The following KIRREL1 variants were observed in gnomAD, a reference collection of about 807,000 sequenced individuals.
The protein encoded by KIRREL1 is kirre like nephrin family adhesion molecule 1.
KIRREL1 carries 25 observed loss-of-function variants against 83.3 expected under a neutral mutation model. That is an observed-to-expected ratio of 0.30 (90% CI 0.22 to 0.42). KIRREL1 has a LOEUF of 0.42. KIRREL1 is among the 10% of genes least tolerant of loss of function. KIRREL1 has a pLI of 1.00. For synonymous variants in KIRREL1, 388 were observed against 410.4 expected (o/e 0.95, Z 0.66); for missense variants, 812 against 1,032.3 (o/e 0.79, Z 2.92).
At chr1:158,070,345 C>G (rs544929716) in intron 1 of KIRREL1, among the ~76,000 whole-genome samples, 1 of 152,318 alleles carries the variant, frequency 6.6e-6, no homozygotes, top group East Asian at 1.9e-4. Flanking sequence ...GCACCCTCAG[C>G]CTTATTTCCC....
At chr1:158,004,601 G>A (rs1659463409) in intron 1 of KIRREL1, among the ~76,000 whole-genome samples, 1 of 152,156 alleles carries the variant, frequency 6.6e-6, no homozygotes, top group African/African-American at 2.4e-5. Flanking sequence ...TGTAAGTCCT[G>A]GAAAAGCACT....
chr1:158,093,230 A>G, intron 11 of KIRREL1, 109 bp from the exon 12 acceptor site: 2 of 862,774 alleles, frequency 2.3e-6, no homozygotes, highest in South Asian at 2.9e-5. Flanking sequence ...AGCCCTGTAC[A>G]CAAGCCAAGG....
Position 158,084,447 on chromosome 1 carries a change from C to T in KIRREL1, c.378C>T (p.Asp126=), listed in dbSNP as rs114925001. 2.2e-3 allele frequency: 3,371 copies of T among 1,551,802 alleles called. 73 individuals carry two copies. The African/African-American group carries it at 0.041, about 19-fold the overall frequency. The change falls in exon 4 of 15, where the codon GAC becomes GAT. Residue 126 remains aspartate, a synonymous_variant. Transcript: ENST00000359209. ...VLIPPEDTRI[D]GGPVILLQAG... ...TCCCCCCAGAGGACACCAGGATTGA[C>T]GGAGGCCCTGTGATTCTACTGCAGG... is the stretch of plus-strand genomic sequence containing the variant.
At chr1:158,031,318 C>T (rs58280042) in intron 1 of KIRREL1, among the ~76,000 whole-genome samples, 361 of 151,814 alleles carry the variant, frequency 2.4e-3, no homozygotes, top group African/African-American at 8.4e-3. Flanking sequence ...TCTTTCTCCC[C>T]TCCACTAAAC....
At chr1:158,053,533 C>T (rs948744833) in intron 1 of KIRREL1, among the ~76,000 whole-genome samples, 4 of 152,182 alleles carry the variant, frequency 2.6e-5, no homozygotes, top group Middle Eastern at 3.2e-3. Context: ...CTGCTCATGT[C>T]CTTTCTGTTC....
In KIRREL1 at chr1:158,066,924, G is replaced by A. The variant is rs184212329; in HGVS notation, c.53-9189G>A. ...AGGTTTTCAGCAGAACCATCCATCAGCCCTACCACCCCCTTTCTGCTCCCA... is the reference window on the plus strand; with the variant it reads ...AGGTTTTCAGCAGAACCATCCATCAACCCTACCACCCCCTTTCTGCTCCCA... On this transcript the variant is annotated intron_variant, in intron 1 of 14. Coordinates refer to ENST00000359209, the MANE Select transcript of KIRREL1 (RefSeq NM_018240.7). Among the ~76,000 whole-genome samples, 23 of 152,266 alleles carry A rather than the reference G, an allele frequency of 1.5e-4. No homozygotes were observed. The East Asian group carries it at 4.2e-3, about 28-fold the overall frequency.
At chr1:158,024,106 C>T (rs1660086104) in intron 1 of KIRREL1, among the ~76,000 whole-genome samples, 1 of 151,784 alleles carries the variant, frequency 6.6e-6, no homozygotes, top group South Asian at 2.1e-4. Flanking sequence ...TGCCACTGCA[C>T]CTGGCTAATT....
At chr1:158,051,251 C>A (rs1660903940) in intron 1 of KIRREL1, among the ~76,000 whole-genome samples, 1 of 152,114 alleles carries the variant, frequency 6.6e-6, no homozygotes, top group Non-Finnish European at 1.5e-5. Flanking sequence ...TTATGCTGTT[C>A]CCTGGAAGAT....
At chr1:158,010,157 C>T (rs1659632028) in intron 1 of KIRREL1, among the ~76,000 whole-genome samples, 1 of 152,060 alleles carries the variant, frequency 6.6e-6, no homozygotes, top group South Asian at 2.1e-4. Flanking sequence ...GGCCCTGGAT[C>T]TCTCTGATTT....
chr1:158,015,466 G>C (rs1659803574), intron 1 of KIRREL1, among the ~76,000 whole-genome samples: 1 of 152,146 alleles, frequency 6.6e-6, no homozygotes, highest in African/African-American at 2.4e-5. Flanking sequence ...TTAAAGAATT[G>C]CTTTTACTGA....
intron 1 of KIRREL1, among the ~76,000 whole-genome samples, chr1:158,069,810 T>C (rs201776349): frequency 1.3e-5 from 2 of 152,232 alleles, no homozygotes; most frequent in East Asian, 3.8e-4. Flanking sequence ...TAGCTTTTTT[T>C]ATTAAGGATA....
chr1:158,056,979 CCTT>C (rs1384944675), intron 1 of KIRREL1, among the ~76,000 whole-genome samples: 1 of 152,200 alleles, frequency 6.6e-6, no homozygotes, highest in African/African-American at 2.4e-5. Flanking sequence ...ACTCCCATCT[CCTT>C]CTTCCAAACC....
intron 1 of KIRREL1, among the ~76,000 whole-genome samples, chr1:158,009,032 G>C (rs542233422): frequency 4.0e-4 from 61 of 152,268 alleles, no homozygotes; most frequent in African/African-American, 1.4e-3. Flanking sequence ...TAAACAGAAA[G>C]GACACCCGTC....
chr1:158,081,422 C>T (rs987206770), intron 3 of KIRREL1, among the ~76,000 whole-genome samples: 7 of 152,172 alleles, frequency 4.6e-5, no homozygotes, highest in South Asian at 2.1e-4. Context: ...AAGTTATTGT[C>T]GATCCCACCA....
chr1:158,080,833 A>T (rs1166045624), intron 3 of KIRREL1, among the ~76,000 whole-genome samples: 1 of 152,214 alleles, frequency 6.6e-6, no homozygotes. Context: ...CACGGAGGCA[A>T]TAAGAAGGCA....
At chr1:158,009,701 C>T (rs1484284422) in intron 1 of KIRREL1, among the ~76,000 whole-genome samples, 1 of 152,196 alleles carries the variant, frequency 6.6e-6, no homozygotes, top group African/African-American at 2.4e-5. Context: ...AAATAAATTG[C>T]CTGTTCAAGC....
At position 158,094,364 on chromosome 1, in the gene KIRREL1, G is replaced by A. The variant is rs200439212; in HGVS notation, c.1771G>A (p.Asp591Asn). Residue 591 changes from aspartate (D) to asparagine (N), a missense_variant, in exon 14 of 15, where the codon GAC becomes AAC. Physicochemically the swap from Asp to Asn is conservative, Grantham distance 23. Coordinates refer to ENST00000359209, the MANE Select transcript of KIRREL1 (RefSeq NM_018240.7). The surrounding 1 kb of genome is among the most constrained non-coding windows in gnomAD (Gnocchi z 4.6). ...GCAGGACCTGCGCTGCGACACCATCGACACCCGGGAGGAGTATGAGATGAA... is the reference window on the plus strand; with the variant it reads ...GCAGGACCTGCGCTGCGACACCATCAACACCCGGGAGGAGTATGAGATGAA... ...LKQDLRCDTI[D>N]TREEYEMKDP... 1.1e-4 allele frequency: 171 copies of A among 1,611,802 alleles called. 1 individual carries two copies. The East Asian group carries it at 3.2e-3, about 30-fold the overall frequency.
intron 1 of KIRREL1, among the ~76,000 whole-genome samples, chr1:158,003,574 A>G (rs1218637313): frequency 6.6e-6 from 1 of 151,782 alleles, no homozygotes; most frequent in African/African-American, 2.4e-5. Flanking sequence ...TGACCCTCCC[A>G]CACACACACA....
At chr1:157,995,069 C>T (rs986032548) in intron 1 of KIRREL1, among the ~76,000 whole-genome samples, 1 of 152,320 alleles carries the variant, frequency 6.6e-6, no homozygotes, top group Admixed American at 6.5e-5. Context: ...GAGGTGTCCT[C>T]TTTTAGGGGG....
Sources: gnomAD v4.1 joint callset for allele counts (sites outside exome capture counted in the v4.1 genomes callset) on GRCh38, gnomAD v4.1.1 for gene constraint, Gnocchi (gnomAD v3.1) non-coding constraint, MANE v1.5 for transcripts, NCBI Gene and HGNC (gene_info 2026-07-23, HGNC 2026-07-21) for gene names.